CANX: variants seen among roughly 807,000 people sequenced by gnomAD.
The protein encoded by CANX is calnexin.
A neutral mutation model predicts 75.7 loss-of-function variants in CANX; 14 were observed. That is an observed-to-expected ratio of 0.19 (90% CI 0.12 to 0.29). The LOEUF (loss-of-function observed/expected upper bound fraction) is 0.29. Among genes scored for constraint, CANX ranks in the 10% least tolerant of loss-of-function variants. The pLI is 1.00. For missense variants in CANX, 567 were observed against 713.2 expected (o/e 0.79, Z 2.34); for synonymous variants, 227 against 236.9 (o/e 0.96, Z 0.38).
intron 1 of CANX, among the ~76,000 whole-genome samples, chr5:179,683,607 C>T (rs750477235): frequency 2.0e-5 from 3 of 151,854 alleles, no homozygotes; most frequent in Non-Finnish European, 4.4e-5. Flanking sequence ...GATCTTAGCT[C>T]ACTGCAACCT....
chr5:179,705,262 C>T (rs780047088), intron 1 of CANX, among the ~76,000 whole-genome samples: 6 of 152,186 alleles, frequency 3.9e-5, no homozygotes, highest in African/African-American at 9.7e-5. Context: ...GGATTACAGG[C>T]GTGAGCCACG....
intron 1 of CANX, among the ~76,000 whole-genome samples, chr5:179,691,627 A>G (rs907742270): frequency 6.6e-6 from 1 of 152,090 alleles, no homozygotes; most frequent in Non-Finnish European, 1.5e-5. Flanking sequence ...GCTCTGGAAG[A>G]CAGGAAGAGC....
At position 179,708,930 on chromosome 5, in the gene CANX, G is replaced by T. The variant is rs746373467; in HGVS notation, c.447-48G>T. ...AGAGGAAATACATTAAGAGAGTTTCGATCTTTCAAAATGCCATACAGTTTT... is the reference window on the plus strand; with the variant it reads ...AGAGGAAATACATTAAGAGAGTTTCTATCTTTCAAAATGCCATACAGTTTT... On this transcript the variant is annotated intron_variant, in intron 5 of 14. Transcript: ENST00000247461. 7.3e-6 allele frequency: 7 copies of T among 953,688 alleles called. No individual in the cohort carries two copies. The African/African-American group carries it at 8.0e-5, about 11-fold the overall frequency. The allele number at this position is 953,688 out of a possible 1,614,324, so 59.1% of individuals were successfully genotyped here.
intron 1 of CANX, among the ~76,000 whole-genome samples, chr5:179,680,691 G>A (rs1776040784): frequency 6.6e-6 from 1 of 151,854 alleles, no homozygotes; most frequent in Non-Finnish European, 1.5e-5. Flanking sequence ...CCCCACCCCT[G>A]CCCAGTAAGT....
chr5:179,688,061 CTTT>C (rs76113200), intron 1 of CANX, among the ~76,000 whole-genome samples: 10 of 136,346 alleles, frequency 7.3e-5, no homozygotes, highest in Admixed American at 5.9e-4. Context: ...AGTCAGTATT[CTTT>C]TTTTTTTTTT....
intron 8 of CANX, among the ~76,000 whole-genome samples, chr5:179,717,369 C>T (rs1207712245): frequency 6.6e-6 from 1 of 152,176 alleles, no homozygotes. Context: ...AGCGGCCACT[C>T]CCTGTTTCCT....
intron 1 of CANX, among the ~76,000 whole-genome samples, chr5:179,701,621 T>G (rs1225267988): frequency 6.6e-6 from 1 of 151,698 alleles, no homozygotes; most frequent in African/African-American, 2.4e-5. Flanking sequence ...AATACGCCGT[T>G]TATAATAACT....
At chr5:179,718,832 T>C (rs1778128850) in intron 8 of CANX, among the ~76,000 whole-genome samples, 1 of 147,954 alleles carries the variant, frequency 6.8e-6, no homozygotes, top group Non-Finnish European at 1.5e-5. Context: ...CTGGCTTAAT[T>C]TTTGTATTTT....
chr5:179,726,750 T>G lies in CANX; in HGVS notation c.1716T>G (p.Pro572=). The change falls in exon 14 of 15, where the codon CCT becomes CCG. Residue 572 remains proline, a synonymous_variant. Transcript: ENST00000247461. ...TVSQEEEDRK[P]KAEEDEILNR... is the part of the protein sequence containing the mutation. Reference sequence around the variant, plus strand: ...GTCAAGAGGAGGAAGACAGAAAACCTAAAGCAGAGGTAAAGGAAAGGGGTC... The same window carrying G: ...GTCAAGAGGAGGAAGACAGAAAACCGAAAGCAGAGGTAAAGGAAAGGGGTC... 6.2e-7 allele frequency: 1 copy of G among 1,611,158 alleles called. No homozygotes were observed. The highest frequency in any genetic ancestry group is 8.5e-7 in the Non-Finnish European group (1 of 1,177,378).
intron 1 of CANX, among the ~76,000 whole-genome samples, chr5:179,686,835 A>G (rs1776198497): frequency 6.6e-6 from 1 of 152,018 alleles, no homozygotes; most frequent in African/African-American, 2.4e-5. Context: ...TTGGGGTGCA[A>G]TGCACAGTCT....
chr5:179,689,686 G>C (rs1378925363), intron 1 of CANX, among the ~76,000 whole-genome samples: 1 of 151,964 alleles, frequency 6.6e-6, no homozygotes, highest in Admixed American at 6.6e-5. Flanking sequence ...CACCACACCC[G>C]GCCTCTTTTT....
rs980114112 is a variant in CANX at position 179,705,772 on chromosome 5, A to G, written c.91A>G (p.Ile31Val). The change falls in exon 2 of 15, where the codon ATT becomes GTT. Residue 31 changes from isoleucine (I) to valine (V), a missense_variant. Ile to Val is a conservative substitution (Grantham distance 29). Around this residue, in one of 3 missense-constraint regions of CANX, gnomAD observed 351 missense variants for 433.8 expected, o/e 0.81. Transcript: ENST00000247461. ...HDGHDDDVID[I>V]EDDLDDVIEE... is the part of the protein sequence containing the mutation. ...TGGACATGATGATGATGTGATTGAT[A>G]TTGAGGATGACCTTGACGATGTCAT... 6.2e-7 allele frequency: 1 copy of G among 1,610,890 alleles called. No homozygotes were observed. Among genetic ancestry groups the G allele is most frequent in the Non-Finnish European group, 8.5e-7 (1 of 1,177,102 alleles).
intron 8 of CANX, among the ~76,000 whole-genome samples, chr5:179,718,783 C>T (rs1300891505): frequency 1.3e-5 from 2 of 152,216 alleles, no homozygotes; most frequent in East Asian, 1.9e-4. Context: ...CCACCTTGGC[C>T]TCCCAAAGTG....
chr5:179,723,954 C>T (rs1399272907), intron 12 of CANX, among the ~76,000 whole-genome samples, 175 bp downstream of exon 12: 1 of 152,058 alleles, frequency 6.6e-6, no homozygotes, highest in Admixed American at 6.6e-5. Flanking sequence ...GTTTATTGTG[C>T]CCAGATGGGA....
intron 5 of CANX, 140 bp from the exon 6 acceptor site, chr5:179,708,838 T>C (rs1777329506): frequency 2.0e-6 from 1 of 490,494 alleles, no homozygotes; most frequent in South Asian, 3.4e-5. Flanking sequence ...TCAAAAACAA[T>C]AGAAGATGGA....
At chr5:179,689,984 C>G (rs928770860) in intron 1 of CANX, among the ~76,000 whole-genome samples, 4 of 152,134 alleles carry the variant, frequency 2.6e-5, no homozygotes, top group Admixed American at 6.6e-5. Context: ...CGGGTCCCAA[C>G]AGGTCTGAAT....
In CANX at chr5:179,683,334, C is replaced by T. The variant is rs574296542; in HGVS notation, c.-4+4557C>T. Among the ~76,000 whole-genome samples, 404 of 151,884 alleles carry T rather than the reference C, an allele frequency of 2.7e-3. 1 individual carries two copies. The highest frequency in any genetic ancestry group is 9.4e-3 in the African/African-American group (391 of 41,452). ...TTTTTTAGTAGAGATGGGGTTTCAC[C>T]GTGTTGGCCAGGATGGTCTCGATCT... On this transcript the variant is annotated intron_variant, in intron 1 of 14. Transcript: ENST00000681674.
intron 1 of CANX, among the ~76,000 whole-genome samples, chr5:179,693,345 G>C (rs1328763867): frequency 6.8e-6 from 1 of 147,672 alleles, no homozygotes; most frequent in Non-Finnish European, 1.5e-5. Context: ...TTTGAGACCA[G>C]CCTGGGCAAG....
At chr5:179,694,951 C>T (rs1776365998), upstream of CANX, among the ~76,000 whole-genome samples, 1 of 152,036 alleles carries the variant, frequency 6.6e-6, no homozygotes, top group Admixed American at 6.6e-5. Flanking sequence ...ATAAATGGAT[C>T]AACAATTTTG....
Sources: gnomAD v4.1 joint callset for allele counts (sites outside exome capture counted in the v4.1 genomes callset) on GRCh38, gnomAD v4.1.1 for gene constraint, gnomAD v4.1.1 regional missense constraint, MANE v1.5 for transcripts, NCBI Gene and HGNC (gene_info 2026-07-23, HGNC 2026-07-21) for gene names.